The following ACTN1 variants were observed in gnomAD, a reference collection of about 807,000 sequenced individuals.
ACTN1 encodes alpha-actinin-1.
ACTN1 carries 30 observed loss-of-function variants against 119.6 expected under a neutral mutation model. The observed-to-expected ratio is 0.25, with a 90% CI of 0.19 to 0.34. The LOEUF is 0.34. ACTN1 is among the 10% of genes least tolerant of loss of function. The pLI is 1.00. For synonymous variants in ACTN1, 429 were observed against 472.6 expected, an observed-to-expected ratio of 0.91 and a Z score of 1.20; for missense variants, 764 against 1,223.4, an observed-to-expected ratio of 0.62 and a Z score of 5.60.
chr14:68,933,802 T>A (rs1369060898), intron 1 of ACTN1, among the ~76,000 whole-genome samples: 1 of 151,936 alleles, frequency 6.6e-6, no homozygotes. Flanking sequence ...GGCAACTTCA[T>A]CTCTACAGAA....
At chr14:68,943,535 C>T (rs2035833847) in intron 1 of ACTN1, among the ~76,000 whole-genome samples, 1 of 152,108 alleles carries the variant, frequency 6.6e-6, no homozygotes. Flanking sequence ...CAGCCCCCTC[C>T]CCCCAACCTT....
At chr14:68,889,227 C>T (rs377566948) in intron 11 of ACTN1, among the ~76,000 whole-genome samples, 7 of 152,196 alleles carry the variant, frequency 4.6e-5, no homozygotes, top group South Asian at 4.1e-4. Context: ...ACACCAGACA[C>T]GCCCCCAAGA....
At chr14:68,920,657 T>C (rs1170811589) in intron 3 of ACTN1, among the ~76,000 whole-genome samples, 16 of 152,076 alleles carry the variant, frequency 1.1e-4, no homozygotes, top group Admixed American at 1.0e-3. Flanking sequence ...GCACACCCTT[T>C]CCAGCCCATA....
At position 68,877,251 on chromosome 14, in the gene ACTN1, C is replaced by T; in HGVS notation, c.2428-11G>A. On this transcript the variant is annotated splice_polypyrimidine_tract_variant and intron_variant, in intron 20 of 21. Coordinates refer to ENST00000394419, the MANE Select transcript of ACTN1 (RefSeq NM_001130004.2). ...AAATTCTGCTTCTCCCTGGAGGGAA[C>T]AGCCAAACCCAGGCCTGTCAGCCCA... The T allele has an allele frequency of 6.2e-7, 1 of 1,613,868 alleles. No individual in the cohort carries two copies. The highest frequency in any genetic ancestry group is 8.5e-7 in the Non-Finnish European group (1 of 1,179,892).
chr14:68,930,554 C>A (rs2035177977), intron 1 of ACTN1, among the ~76,000 whole-genome samples: 1 of 152,052 alleles, frequency 6.6e-6, no homozygotes, highest in African/African-American at 2.4e-5. Context: ...ATCACAAGAC[C>A]CTAAAGCAGG....
chr14:68,904,856 G>C, intron 6 of ACTN1, 120 bp from the exon 7 acceptor site: 1 of 743,546 alleles, frequency 1.3e-6, no homozygotes, highest in Non-Finnish European at 2.3e-6. Context: ...GCCCCAGCTC[G>C]ATCCTCAGGG....
At chr14:68,977,993 C>G (rs754559592) in intron 1 of ACTN1, 45 of 456,114 alleles carry the variant, frequency 9.9e-5, no homozygotes, top group African/African-American at 7.2e-4. Flanking sequence ...GCCCTCCCCC[C>G]ACCACCACGA....
chr14:68,956,483 C>G (rs1246669073), intron 1 of ACTN1, among the ~76,000 whole-genome samples: 1 of 152,110 alleles, frequency 6.6e-6, no homozygotes, highest in East Asian at 1.9e-4. Context: ...TTTCTGGGCT[C>G]TAACAGAGCA....
At chr14:68,948,867 C>G (rs374185837) in intron 1 of ACTN1, among the ~76,000 whole-genome samples, 1 of 152,176 alleles carries the variant, frequency 6.6e-6, no homozygotes, top group Non-Finnish European at 1.5e-5. Context: ...CCTCCTGAGG[C>G]GCACGGGGCA....
At position 68,972,976 on chromosome 14, in the gene ACTN1, G is replaced by A. The variant is rs193126034; in HGVS notation, c.105+5976C>T. Among the ~76,000 whole-genome samples, 393 of 152,328 alleles carry A rather than the reference G, an allele frequency of 2.6e-3. 2 individuals carry two copies. Among genetic ancestry groups the A allele is most frequent in the Middle Eastern group, 6.8e-3 (2 of 294 alleles). ...ATCTTGTTAACTTTATGGCAGAATG[G>A]TGCATGCGGAAGGGGCCAGTTGGGG... On this transcript the variant is annotated intron_variant, in intron 1 of 21. Transcript: ENST00000394419.
At chr14:68,901,923 G>A (rs906240697) in intron 8 of ACTN1, among the ~76,000 whole-genome samples, 6 of 152,230 alleles carry the variant, frequency 3.9e-5, no homozygotes, top group South Asian at 2.1e-4. Flanking sequence ...CAGCATGGCC[G>A]CATGGGAGTC....
At chr14:68,965,936 C>T (rs896931743) in intron 1 of ACTN1, among the ~76,000 whole-genome samples, 3 of 152,182 alleles carry the variant, frequency 2.0e-5, no homozygotes, top group African/African-American at 7.2e-5. Context: ...GTGCCTGACT[C>T]GGATGAGTAT....
chr14:68,942,643 C>T (rs2035799153), intron 1 of ACTN1, among the ~76,000 whole-genome samples: 1 of 152,162 alleles, frequency 6.6e-6, no homozygotes, highest in Admixed American at 6.5e-5. Context: ...AAGTTGATTA[C>T]GCCGAATGTT....
Position 68,892,046 on chromosome 14 carries a change from T to C in ACTN1, c.1086+7A>G. ...TCTGGGGGCCCAGGCTCACCCCCAG[T>C]GCTCACCGAGACCATCCTGCCCTCA... On this transcript the variant is annotated splice_region_variant and intron_variant, in intron 10 of 21. Coordinates refer to ENST00000394419, the MANE Select transcript of ACTN1 (RefSeq NM_001130004.2). 1 of 1,612,862 alleles carries C rather than the reference T, an allele frequency of 6.2e-7. No individual in the cohort carries two copies. Among genetic ancestry groups the C allele is most frequent in the Non-Finnish European group, 8.5e-7 (1 of 1,179,802 alleles).
intron 10 of ACTN1, 81 bp downstream of exon 10, chr14:68,891,972 G>A (rs1415590025): frequency 6.5e-7 from 1 of 1,537,246 alleles, no homozygotes. Flanking sequence ...CCCCCATAAA[G>A]CTGAATTTGA....
chr14:68,938,683 C>T (rs1041656643), intron 1 of ACTN1, among the ~76,000 whole-genome samples: 1 of 152,140 alleles, frequency 6.6e-6, no homozygotes, highest in African/African-American at 2.4e-5. Flanking sequence ...TAAAGAACAT[C>T]ACCACTTTGT....
intron 1 of ACTN1, among the ~76,000 whole-genome samples, chr14:68,965,835 G>A (rs914389329): frequency 1.3e-5 from 2 of 152,210 alleles, no homozygotes; most frequent in South Asian, 2.1e-4. Context: ...TGAAGACACA[G>A]AGGGCTCCTA....
Position 68,885,439 on chromosome 14 carries a change from G to C in ACTN1, c.1371C>G (p.Ile457Met). The change falls in exon 12 of 22, where the codon ATC becomes ATG. Residue 457 changes from isoleucine (I) to methionine (M), a missense_variant. Physicochemically the swap from Ile to Met is conservative, Grantham distance 10. Around this residue, in one of 4 missense-constraint regions of ACTN1, gnomAD observed 544 missense variants for 912.0 expected, o/e 0.60. Coordinates refer to ENST00000394419, the MANE Select transcript of ACTN1 (RefSeq NM_001130004.2). The surrounding 1 kb of genome is among the most constrained non-coding windows in gnomAD (Gnocchi z 5.6). ...HQDRVEQIAA[I>M]AQELNELDYY... ...GGGCCACCTACTTGAGCTCCTGTGC[G>C]ATGGCGGCAATCTGCTCCACACGGT... 1 of 1,612,256 alleles carries C rather than the reference G, an allele frequency of 6.2e-7. No homozygotes were observed. The highest frequency in any genetic ancestry group is 8.5e-7 in the Non-Finnish European group (1 of 1,178,806).
At chr14:68,960,949 T>C (rs1248130687) in intron 1 of ACTN1, among the ~76,000 whole-genome samples, 4 of 152,058 alleles carry the variant, frequency 2.6e-5, no homozygotes, top group Non-Finnish European at 5.9e-5. Flanking sequence ...GCACCTGTAG[T>C]CCCAGCTACT....
Sources: allele counts gnomAD v4.1 joint callset (sites outside exome capture counted in the v4.1 genomes callset), GRCh38; gene constraint gnomAD v4.1.1; regional missense constraint gnomAD v4.1.1; non-coding constraint Gnocchi (gnomAD v3.1); transcripts MANE v1.5; gene names NCBI Gene and HGNC (gene_info 2026-07-23, HGNC 2026-07-21).